MAP3K20: variants seen among roughly 807,000 people sequenced by gnomAD.
MAP3K20 encodes the protein HCCS-4.
A neutral mutation model predicts 85.7 loss-of-function variants in MAP3K20; 40 were observed. The observed-to-expected ratio is 0.47, with a 90% CI of 0.36 to 0.61. The LOEUF (loss-of-function observed/expected upper bound fraction) is 0.61, where lower values mean the gene tolerates loss of function less well. MAP3K20 is among the 20% of genes least tolerant of loss of function. The pLI, the probability that MAP3K20 is intolerant of heterozygous loss-of-function variation, is 0.00. For missense variants in MAP3K20, 817 were observed against 961.7 expected, an observed-to-expected ratio of 0.85 and a Z score of 1.99; for synonymous variants, 325 against 327.7, an observed-to-expected ratio of 0.99 and a Z score of 0.09.
chr2:173,214,380 T>A (rs997636983), intron 10 of MAP3K20: 3 of 152,214 alleles, frequency 2.0e-5, no homozygotes, highest in Admixed American at 6.5e-5. Flanking sequence ...TGTGGCAACC[T>A]GCACTGAATG....
At chr2:173,240,225 T>TTGAA (rs1450643632) in intron 16 of MAP3K20, among the ~76,000 whole-genome samples, 1 of 152,174 alleles carries the variant, frequency 6.6e-6, no homozygotes, top group South Asian at 2.1e-4. Context: ...GAATAAAGAT[T>TTGAA]TGAATGCAGG....
Position 173,092,931 on chromosome 2 carries a change from G to A in MAP3K20, c.159+1741G>A, listed in dbSNP as rs1687342712. Among the ~76,000 whole-genome samples the A allele has an allele frequency of 2.6e-5, 4 of 151,924 alleles. No homozygotes were observed. In the South Asian group the frequency reaches 8.3e-4, roughly 32 times the overall value. ...CGTGCAGGTATTTAACATGAATGTA[G>A]GTAATTCAGAAATTGAGTTGATTCC... On this transcript the variant is annotated intron_variant, in intron 2 of 19. Transcript: ENST00000375213.
rs897250622 is a variant in MAP3K20 at position 173,262,221 on chromosome 2, T to C, written c.1551+1084T>C. On this transcript the variant is annotated intron_variant, in intron 18 of 19. Transcript: ENST00000375213. ...TTAGCTCCCAGTGGCTGCAGTAAGA[T>C]GAAGTCCACCTCAAAGAGGACTCTG... Among the ~76,000 whole-genome samples, 6 of 152,138 alleles carry C rather than the reference T, an allele frequency of 3.9e-5. No homozygotes were observed. In the East Asian group the frequency reaches 1.2e-3, roughly 29 times the overall value.
chr2:173,129,991 T>G (rs1688560156), intron 2 of MAP3K20, among the ~76,000 whole-genome samples: 1 of 152,206 alleles, frequency 6.6e-6, no homozygotes, highest in Admixed American at 6.5e-5. Context: ...CTAAATTTGT[T>G]TAAGGAACCT....
intron 19 of MAP3K20, 97 bp from the exon 20 acceptor site, chr2:173,265,953 A>T: frequency 1.6e-6 from 2 of 1,272,772 alleles, no homozygotes; most frequent in East Asian, 5.1e-5. Context: ...AGCTTAGAGC[A>T]TCCCAAACAG....
intron 1 of MAP3K20, chr2:173,090,532 A>G: frequency 1.3e-6 from 1 of 773,856 alleles, no homozygotes; most frequent in Non-Finnish European, 1.6e-6. Flanking sequence ...TCTGTGTACC[A>G]GGATGCTCGG....
chr2:173,227,555 C>T (rs749477045), intron 11 of MAP3K20, among the ~76,000 whole-genome samples: 12 of 152,162 alleles, frequency 7.9e-5, no homozygotes, highest in Non-Finnish European at 1.5e-4. Context: ...CTGGAGTGAG[C>T]GTCCAGCTGA....
At chr2:173,111,635 T>C (rs1264528257) in intron 2 of MAP3K20, among the ~76,000 whole-genome samples, 1 of 152,244 alleles carries the variant, frequency 6.6e-6, no homozygotes, top group Non-Finnish European at 1.5e-5. Flanking sequence ...TTCATTCTCC[T>C]ACATGTGGCT....
chr2:173,160,134 A>G (rs1559257634), intron 2 of MAP3K20: 2 of 152,082 alleles, frequency 1.3e-5, no homozygotes, highest in African/African-American at 4.8e-5. Flanking sequence ...GTATTCTATT[A>G]TGGGTTTGAA....
At chr2:173,262,574 C>T (rs904240868) in intron 18 of MAP3K20, among the ~76,000 whole-genome samples, 2 of 150,676 alleles carry the variant, frequency 1.3e-5, no homozygotes, top group African/African-American at 2.4e-5. Flanking sequence ...CACTCCAGCC[C>T]AGGAGACAAG....
chr2:173,240,402 T>G (rs1684754111), intron 16 of MAP3K20, among the ~76,000 whole-genome samples: 1 of 152,176 alleles, frequency 6.6e-6, no homozygotes, highest in African/African-American at 2.4e-5. Flanking sequence ...CCATGCTTGC[T>G]CCAGGCCATT....
At chr2:173,165,760 C>T (rs1689800475) in intron 2 of MAP3K20, among the ~76,000 whole-genome samples, 1 of 152,204 alleles carries the variant, frequency 6.6e-6, no homozygotes, top group Non-Finnish European at 1.5e-5. Context: ...CAGCTTTGAC[C>T]TCCTGGGCTC....
intron 2 of MAP3K20, among the ~76,000 whole-genome samples, chr2:173,128,682 C>CT (rs1191269248): frequency 1.3e-5 from 2 of 152,028 alleles, no homozygotes; most frequent in South Asian, 4.1e-4. Flanking sequence ...ATTAATTCTC[C>CT]TTTAGCTGTT....
chr2:173,078,384 A>G (rs1686924351), intron 1 of MAP3K20, among the ~76,000 whole-genome samples: 1 of 152,228 alleles, frequency 6.6e-6, no homozygotes, highest in Non-Finnish European at 1.5e-5. Context: ...TAAATGTAGT[A>G]GGAACAGTTA....
At chr2:173,220,813 G>A (rs1383958983) in intron 11 of MAP3K20, among the ~76,000 whole-genome samples, 1 of 152,156 alleles carries the variant, frequency 6.6e-6, no homozygotes, top group Non-Finnish European at 1.5e-5. Flanking sequence ...CCTTATGAAA[G>A]TGAAATTGGG....
intron 1 of MAP3K20, among the ~76,000 whole-genome samples, chr2:173,080,166 G>A (rs1026878208): frequency 2.6e-5 from 4 of 152,276 alleles, no homozygotes; most frequent in Admixed American, 6.5e-5. Flanking sequence ...TTATGGGATC[G>A]CTGTTATATA....
chr2:173,086,835 G>C (rs1687157888), intron 1 of MAP3K20, among the ~76,000 whole-genome samples: 1 of 152,172 alleles, frequency 6.6e-6, no homozygotes, highest in African/African-American at 2.4e-5. Flanking sequence ...CTCTGCCTTT[G>C]TTTTGGAAAG....
chr2:173,167,219 GT>G (rs1302778299), intron 2 of MAP3K20, among the ~76,000 whole-genome samples: 6 of 148,120 alleles, frequency 4.1e-5, no homozygotes, highest in African/African-American at 7.4e-5. Context: ...CCGGCCAACA[GT>G]TTTTTTTTTA....
intron 2 of MAP3K20, among the ~76,000 whole-genome samples, chr2:173,169,371 G>A (rs17761169): frequency 0.32 from 49,317 of 151,986 alleles, 9,940 homozygotes; most frequent in Non-Finnish European, 0.45. Context: ...AAGAAAGACA[G>A]CTTTAGCAGA....
Sources: gnomAD v4.1 joint callset for allele counts (sites outside exome capture counted in the v4.1 genomes callset) on GRCh38, gnomAD v4.1.1 for gene constraint, MANE v1.5 for transcripts, NCBI Gene and HGNC (gene_info 2026-07-23, HGNC 2026-07-21) for gene names.